Variants in SHTN1 observed in about 807,000 individuals in gnomAD.
SHTN1 encodes shootin-1.
A neutral mutation model predicts 83.1 loss-of-function variants in SHTN1; 42 were observed. That is an observed-to-expected ratio of 0.51 (90% confidence interval 0.39 to 0.65). SHTN1 has a LOEUF of 0.65. Among genes scored for constraint, SHTN1 ranks in the 30% least tolerant of loss-of-function variants. The pLI, the probability that SHTN1 is intolerant of heterozygous loss-of-function variation, is 0.00. For missense variants in SHTN1, 622 were observed against 737.8 expected (o/e 0.84, Z 1.82); for synonymous variants, 224 against 247.7 (o/e 0.90, Z 0.90).
chr10:116,983,679 GATAGATAAATACATACATAC>G (rs1485688970), intron 1 of SHTN1, among the ~76,000 whole-genome samples: 3 of 18,020 alleles, frequency 1.7e-4, no homozygotes, highest in African/African-American at 2.3e-4. Context: ...TAGATAGATA[GATAGATAAATACATACATAC>G]ATACATACAT....
chr10:116,923,729 A>C (rs534919768), intron 11 of SHTN1, among the ~76,000 whole-genome samples: 2 of 151,968 alleles, frequency 1.3e-5, no homozygotes, highest in African/African-American at 4.8e-5. Context: ...AATGTTTTTT[A>C]ATTTTTTGCA....
At chr10:117,100,107 G>A (rs550650814) in intron 1 of SHTN1, among the ~76,000 whole-genome samples, 1 of 152,258 alleles carries the variant, frequency 6.6e-6, no homozygotes, top group Admixed American at 6.5e-5. Flanking sequence ...AACCTTGGAG[G>A]TGGAGGTTGC....
intron 3 of SHTN1, among the ~76,000 whole-genome samples, chr10:116,961,975 C>T (rs1286939223): frequency 6.6e-6 from 1 of 152,078 alleles, no homozygotes; most frequent in Non-Finnish European, 1.5e-5. Flanking sequence ...ATCATTATAA[C>T]ACAATGGTCA....
intron 16 of SHTN1, 122 bp from the exon 17 acceptor site, chr10:116,886,688 T>G: frequency 7.6e-7 from 1 of 1,316,870 alleles, no homozygotes; most frequent in Non-Finnish European, 1.0e-6. Context: ...AACATGCATA[T>G]AGTAGTCTTT....
At chr10:117,117,473 A>T (rs1218050069) in intron 1 of SHTN1, among the ~76,000 whole-genome samples, 1 of 152,218 alleles carries the variant, frequency 6.6e-6, no homozygotes, top group Non-Finnish European at 1.5e-5. Context: ...ACCCAAAGCA[A>T]TCTACAGATT....
In SHTN1 at chr10:116,938,228, T is replaced by C. The variant is rs188331244; in HGVS notation, c.858+2238A>G. ...CTTGCTGGCGAGGAGTTGTGATCTTTTGGAGGACAAGAGGCATTCTGGTTT... is the reference window on the plus strand; with the variant it reads ...CTTGCTGGCGAGGAGTTGTGATCTTCTGGAGGACAAGAGGCATTCTGGTTT... On this transcript the variant is annotated intron_variant, in intron 9 of 16. Transcript: ENST00000355371. Among the ~76,000 whole-genome samples the C allele has an allele frequency of 4.6e-5, 7 of 152,200 alleles. No homozygotes were observed. In the East Asian group the frequency reaches 1.4e-3, roughly 30 times the overall value.
chr10:117,119,517 C>G (rs1298446178), intron 1 of SHTN1, among the ~76,000 whole-genome samples: 1 of 152,076 alleles, frequency 6.6e-6, no homozygotes, highest in East Asian at 1.9e-4. Context: ...GTTAAAATGG[C>G]TTATAATCAA....
chr10:117,017,362 G>A (rs1852193947), intron 2 of SHTN1, among the ~76,000 whole-genome samples: 1 of 151,414 alleles, frequency 6.6e-6, no homozygotes, highest in South Asian at 2.1e-4. Context: ...GCAGTGGCGG[G>A]TGCCTGTAGT....
At chr10:116,923,070 T>A (rs554968574) in intron 11 of SHTN1, among the ~76,000 whole-genome samples, 8 of 152,316 alleles carry the variant, frequency 5.3e-5, no homozygotes, top group Non-Finnish European at 8.8e-5. Context: ...GCCATACAGA[T>A]ATTTACAATA....
chr10:117,051,016 T>C (rs1265108278), intron 1 of SHTN1, among the ~76,000 whole-genome samples: 1 of 152,150 alleles, frequency 6.6e-6, no homozygotes, highest in African/African-American at 2.4e-5. Flanking sequence ...CTGATCGCAC[T>C]CCTGCACTAC....
At chr10:116,971,434 G>A (rs1850615496) in intron 2 of SHTN1, among the ~76,000 whole-genome samples, 1 of 152,114 alleles carries the variant, frequency 6.6e-6, no homozygotes, top group Non-Finnish European at 1.5e-5. Context: ...TCGCATATAG[G>A]CTTTTCTTAG....
chr10:116,963,581 A>C (rs1185014302), intron 3 of SHTN1, among the ~76,000 whole-genome samples: 1 of 152,152 alleles, frequency 6.6e-6, no homozygotes, highest in East Asian at 1.9e-4. Context: ...AAAGACTACT[A>C]ATCTTTTAGA....
chr10:116,908,044 T>A lies in SHTN1; in HGVS notation c.1360-1297A>T, dbSNP rs867128425. The A allele has an allele frequency of 4.1e-5, 18 of 442,762 alleles. 1 individual carries two copies. In the Middle Eastern group the frequency reaches 6.1e-3, roughly 150 times the overall value. 27.4% of individuals were successfully genotyped at this position (442,762 alleles called of 1,614,324 possible). ...GCTTGTAAAATCAGATGGTTACAAATCTCATAATTAACCTCTATTAAGAGA... is the reference window on the plus strand; with the variant it reads ...GCTTGTAAAATCAGATGGTTACAAAACTCATAATTAACCTCTATTAAGAGA... On this transcript the variant is annotated intron_variant, in intron 14 of 16. Transcript: ENST00000355371.
intron 7 of SHTN1, among the ~76,000 whole-genome samples, chr10:116,946,096 G>T (rs866437229): frequency 4.0e-5 from 6 of 151,668 alleles, no homozygotes; most frequent in Middle Eastern, 3.4e-3. Context: ...TTCAAGGGAG[G>T]GGTAAGAGTA....
chr10:117,074,807 T>C (rs1470425339), intron 1 of SHTN1, among the ~76,000 whole-genome samples: 1 of 152,160 alleles, frequency 6.6e-6, no homozygotes, highest in Non-Finnish European at 1.5e-5. Context: ...ACAATAAACC[T>C]GCTTTTGCAC....
rs181589294 is a variant in SHTN1, at chr10:116,946,657, A to T, written c.617-1639T>A. On this transcript the variant is annotated intron_variant, in intron 7 of 16. Transcript: ENST00000355371. ...TATATATAAATATATAAAATGATTT[A>T]TATATAAATATATAAAATGATTTAT... Among the ~76,000 whole-genome samples, 492 of 138,752 alleles carry T rather than the reference A, an allele frequency of 3.5e-3. 20 individuals carry two copies. The highest frequency in any genetic ancestry group is 0.013 in the African/African-American group (454 of 35,196). 91.0% of individuals were successfully genotyped at this position (138,752 alleles called of 152,430 possible).
At chr10:116,982,804 CA>C (rs892701024) in intron 1 of SHTN1, among the ~76,000 whole-genome samples, 4 of 151,574 alleles carry the variant, frequency 2.6e-5, no homozygotes, top group African/African-American at 4.8e-5. Flanking sequence ...TCTAAAAATA[CA>C]AAAAAAATTA....
intron 1 of SHTN1, among the ~76,000 whole-genome samples, chr10:117,056,241 A>C (rs1219629366): frequency 6.6e-6 from 1 of 152,238 alleles, no homozygotes; most frequent in Non-Finnish European, 1.5e-5. Context: ...CCCTGATACC[A>C]AACCAAAGAC....
At chr10:117,018,871 T>A (rs1852222902) in intron 2 of SHTN1, among the ~76,000 whole-genome samples, 1 of 152,074 alleles carries the variant, frequency 6.6e-6, no homozygotes, top group South Asian at 2.1e-4. Context: ...GCGCCTGGCC[T>A]GCACTCACCA....
Sources: gnomAD v4.1 joint callset for allele counts (sites outside exome capture counted in the v4.1 genomes callset) on GRCh38, gnomAD v4.1.1 for gene constraint, MANE v1.5 for transcripts, NCBI Gene and HGNC (gene_info 2026-07-23, HGNC 2026-07-21) for gene names.